Variants in ANO7 observed in about 807,000 individuals in gnomAD.
ANO7 encodes anoctamin 7.
A neutral mutation model predicts 115.8 loss-of-function variants in ANO7; 114 were observed. The ratio of observed to expected loss-of-function variants is 0.98; its 90% confidence interval spans 0.85 to 1.15. The LOEUF is 1.15. Ranked by LOEUF, ANO7 falls within the 50% of genes most tolerant of loss-of-function variation. The pLI is 0.00. For missense variants in ANO7, 1,302 were observed against 1,201.2 expected, an observed-to-expected ratio of 1.08 and a Z score of -1.24; for synonymous variants, 550 against 498.2, an observed-to-expected ratio of 1.10 and a Z score of -1.38.
Position 241,201,339 on chromosome 2 carries a change from C to T in ANO7, c.596C>T (p.Thr199Ile). 1 of 1,612,898 alleles carries T rather than the reference C, an allele frequency of 6.2e-7. No individual in the cohort carries two copies. The highest frequency in any genetic ancestry group is 8.5e-7 in the Non-Finnish European group (1 of 1,179,604). ...AACCAGGACACCTTCTTCACAAGCACCAAGAGGCACCAAATTGTGAGTGGG... is the reference window on the plus strand; with the variant it reads ...AACCAGGACACCTTCTTCACAAGCATCAAGAGGCACCAAATTGTGAGTGGG... ...SDNQDTFFTS[T>I]KRHQILFEIL... Residue 199 changes from threonine to isoleucine, a missense_variant, in exon 7 of 25, where the codon ACC becomes ATC. Physicochemically the swap from Thr to Ile is moderately conservative, Grantham distance 89. Transcript: ENST00000674324.
intron 10 of ANO7, 57 bp downstream of exon 10, chr2:241,205,012 G>C: frequency 6.6e-7 from 1 of 1,513,598 alleles, no homozygotes; most frequent in Non-Finnish European, 9.2e-7. Flanking sequence ...AGATGGGTGT[G>C]GGGCGGGGGG....
chr2:241,217,476 C>T, intron 19 of ANO7: 2 of 586,262 alleles, frequency 3.4e-6, no homozygotes, highest in Non-Finnish European at 5.9e-6. Context: ...AAGCACGGAG[C>T]GCAGGGCAGG....
rs377058682 is a variant in ANO7, at chr2:241,212,126, G to A, written c.1594G>A (p.Ala532Thr). 2.5e-5 allele frequency: 41 copies of A among 1,613,912 alleles called. No individual in the cohort carries two copies. Among genetic ancestry groups the A allele is most frequent in the South Asian group, 2.2e-4 (20 of 91,084 alleles). Residue 532 changes from alanine to threonine, a missense_variant, in exon 16 of 25, where the codon GCC becomes ACC. Physicochemically the swap from Ala to Thr is moderately conservative, Grantham distance 58 (BLOSUM62 0). Coordinates refer to ENST00000674324, the MANE Select transcript of ANO7 (RefSeq NM_001370694.2). ...MHRTQTKFED[A>T]FTLKVFIFQF... Reference sequence around the variant, plus strand: ...CCGCACCCAGACCAAGTTCGAGGACGCCTTCACCCTCAAGGTGTTCATCTT... The same window carrying A: ...CCGCACCCAGACCAAGTTCGAGGACACCTTCACCCTCAAGGTGTTCATCTT...
the ANO7 span, chr2:241,231,031 A>G: frequency 2.6e-6 from 3 of 1,153,982 alleles, 1 homozygote; most frequent in African/African-American, 4.5e-5. Flanking sequence ...GCTGAGGAAA[A>G]CAGCTCAGGA....
intron 20 of ANO7, 27 bp from the exon 21 acceptor site, chr2:241,218,212 C>CAGGGGCGGAGCGGGGGCCGT: frequency 7.3e-7 from 1 of 1,372,498 alleles, no homozygotes; most frequent in South Asian, 1.5e-5. Flanking sequence ...GCGGGGGCCG[C>CAGGGGCGGAGCGGGGGCCGT]CTCGCGCTGA....
intron 7 of ANO7, 54 bp from the exon 8 acceptor site, chr2:241,202,140 C>A: frequency 6.6e-7 from 1 of 1,505,910 alleles, no homozygotes; most frequent in Non-Finnish European, 9.2e-7. Context: ...TAGGACTTCC[C>A]TGTTCTGCTA....
rs1559453244 is a variant in ANO7, at chr2:241,214,786, C to G, written c.1729-19C>G. 1.9e-6 allele frequency: 3 copies of G among 1,607,726 alleles called. No individual in the cohort carries two copies. The highest frequency in any genetic ancestry group is 2.2e-5 in the South Asian group (2 of 90,990). Reference sequence around the variant, plus strand: ...GGCTGGTCCCCCTCTCCCAGCTAACCTGAGCCCTGCTGCCGTAGTGCGCGG... The same window carrying G: ...GGCTGGTCCCCCTCTCCCAGCTAACGTGAGCCCTGCTGCCGTAGTGCGCGG... On this transcript the variant is annotated intron_variant, in intron 17 of 24. Coordinates refer to ENST00000674324, the MANE Select transcript of ANO7 (RefSeq NM_001370694.2).
chr2:241,223,444 C>A, intron 22 of ANO7, 168 bp downstream of exon 22: 1 of 1,050,022 alleles, frequency 9.5e-7, no homozygotes, highest in Non-Finnish European at 1.4e-6. Flanking sequence ...CTGGCCTCAT[C>A]CCTGGGTTGT....
At chr2:241,190,974 C>T (rs1266691846) in intron 2 of ANO7, among the ~76,000 whole-genome samples, 1 of 152,250 alleles carries the variant, frequency 6.6e-6, no homozygotes, top group Non-Finnish European at 1.5e-5. Flanking sequence ...CCCTGCCTGC[C>T]GCTCCCCGCG....
chr2:241,237,628 C>T, the ANO7 span, among the ~76,000 whole-genome samples: 1 of 151,964 alleles, frequency 6.6e-6, no homozygotes. Flanking sequence ...AATCCGATTC[C>T]GATAAATGTG....
rs1346879009 is a variant in ANO7 at position 241,200,202 on chromosome 2, G to A, written c.531G>A (p.Arg177=). 2 of 1,613,014 alleles carry A rather than the reference G, an allele frequency of 1.2e-6. No individual in the cohort carries two copies. Among genetic ancestry groups the A allele is most frequent in the Non-Finnish European group, 1.7e-6 (2 of 1,179,922 alleles). The change falls in exon 6 of 25, where the codon CGG becomes CGA. Residue 177 remains arginine, a synonymous_variant. Transcript: ENST00000674324. The part of the protein sequence containing the change: ...PDVPPEYYSC[R]FRVNKLPRFL... ...TACCCCCCGAGTACTACTCCTGCCG[G>A]TTCAGAGTGAACAAGCTGCCACGGT...
intron 4 of ANO7, 200 bp from the exon 5 acceptor site, chr2:241,199,116 A>G: frequency 1.8e-6 from 1 of 558,616 alleles, no homozygotes; most frequent in East Asian, 3.1e-5. Context: ...CGACTCCCAA[A>G]CGGGGCTGTC....
downstream of ANO7, among the ~76,000 whole-genome samples, chr2:241,230,480 C>T (rs796340941): frequency 2.0e-5 from 3 of 152,258 alleles, no homozygotes; most frequent in East Asian, 1.9e-4. This position sits in a 1 kb window ranked among gnomAD's most constrained non-coding sequence, Gnocchi z 5.0. Context: ...GGCCGCAGCA[C>T]GTACTGTGCG....
At chr2:241,222,146 A>G (rs2069036450) in intron 21 of ANO7, among the ~76,000 whole-genome samples, 1 of 151,968 alleles carries the variant, frequency 6.6e-6, no homozygotes, top group Admixed American at 6.6e-5. Context: ...AGGCAGGAGA[A>G]TCGCTTGAAC....
At chr2:241,209,746 A>G in intron 13 of ANO7, 111 bp downstream of exon 13, 1 of 1,405,130 alleles carries the variant, frequency 7.1e-7, no homozygotes, top group Non-Finnish European at 9.4e-7. Context: ...CTCTGGGCAC[A>G]GAACCCTCAC....
intron 8 of ANO7, 102 bp downstream of exon 8, chr2:241,202,406 C>T (rs2068493721): frequency 1.6e-5 from 16 of 1,013,744 alleles, no homozygotes; most frequent in South Asian, 5.4e-5. Flanking sequence ...CATGGTCAGC[C>T]GGCGTGGCCA....
rs1040380907 is a variant in ANO7, at chr2:241,218,333, T to C, written c.2273T>C (p.Leu758Pro). 4 of 1,504,164 alleles carry C rather than the reference T, an allele frequency of 2.7e-6. No individual in the cohort carries two copies. Among genetic ancestry groups the C allele is most frequent in the Non-Finnish European group, 3.5e-6 (4 of 1,132,760 alleles). 93.2% of individuals were successfully genotyped at this position (1,504,164 alleles called of 1,614,324 possible). A position where few individuals can be genotyped will look rare whatever the true frequency, so the allele number is the denominator to read the frequency against. Residue 758 changes from leucine (L) to proline (P), a missense_variant, in exon 21 of 25, where the codon CTG becomes CCG. Leu to Pro is a moderately conservative substitution (Grantham distance 98). Coordinates refer to ENST00000674324, the MANE Select transcript of ANO7 (RefSeq NM_001370694.2). ...CTGCGCGGCTTCCTCAACTTCACGCTGGCGCGAGCCCCGTCCTCCTTCGCC... is the reference window on the plus strand; with the variant it reads ...CTGCGCGGCTTCCTCAACTTCACGCCGGCGCGAGCCCCGTCCTCCTTCGCC... ...HDLRGFLNFT[L>P]ARAPSSFAAA...
At chr2:241,212,309 G>A in intron 16 of ANO7, 104 bp downstream of exon 16, 1 of 1,209,758 alleles carries the variant, frequency 8.3e-7, no homozygotes. Context: ...GCTCAGGCAG[G>A]TGGAGGACGG....
In ANO7 at chr2:241,203,778, T is replaced by C. The variant is rs977336944; in HGVS notation, c.889+280T>C. ...GGTCTCTCCTGACTCCCTCCCCGAA[T>C]GTCACTGGCCCATGAGGCCCTGGGG... is the stretch of plus-strand genomic sequence containing the variant. On this transcript the variant is annotated intron_variant, in intron 9 of 24. Coordinates refer to ENST00000674324, the MANE Select transcript of ANO7 (RefSeq NM_001370694.2). This position sits in a 1 kb window ranked among gnomAD's most constrained non-coding sequence, Gnocchi z 4.8. 3.3e-5 allele frequency among the ~76,000 whole-genome samples: 5 copies of C among 152,046 alleles called. No individual in the cohort carries two copies. Among genetic ancestry groups the C allele is most frequent in the Non-Finnish European group, 7.4e-5 (5 of 67,980 alleles).
Sources: allele counts gnomAD v4.1 joint callset (sites outside exome capture counted in the v4.1 genomes callset), GRCh38; gene constraint gnomAD v4.1.1; non-coding constraint Gnocchi (gnomAD v3.1); transcripts MANE v1.5; gene names NCBI Gene and HGNC (gene_info 2026-07-23, HGNC 2026-07-21).